The following PRR29 variants were observed in gnomAD, a reference collection of about 807,000 sequenced individuals.
The protein encoded by PRR29 is proline rich 29, also known as proline-rich protein 29.
PRR29 carries 20 observed loss-of-function variants against 25.1 expected under a neutral mutation model. The ratio of observed to expected loss-of-function variants is 0.80; its 90% CI spans 0.56 to 1.16. The LOEUF is 1.16. Ranked by LOEUF, PRR29 falls within the 50% of genes most tolerant of loss-of-function variation. The probability of loss-of-function intolerance (pLI) is 0.00; values close to 1 mark genes in which losing one functional copy is unlikely to be tolerated. For synonymous variants in PRR29, 108 were observed against 102.6 expected (o/e 1.05, Z -0.32); for missense variants, 238 against 246.6 (o/e 0.97, Z 0.23).
In PRR29 at chr17:64,003,524, C is replaced by T. The variant is rs1910956283; in HGVS notation, c.*1763C>T. On this transcript the variant is annotated 3_prime_UTR_variant, in exon 6 of 6. Coordinates refer to ENST00000412177, the MANE Select transcript of PRR29 (RefSeq NM_001164257.2). Reference sequence around the variant, plus strand: ...GGAAGAGGGAGAGTAAGAGGGAAGCCTCAGGATGAAGGGTGGGCTCCTGGG... The same window carrying T: ...GGAAGAGGGAGAGTAAGAGGGAAGCTTCAGGATGAAGGGTGGGCTCCTGGG... 1 of 897,076 alleles carries T rather than the reference C, an allele frequency of 1.1e-6. No individual in the cohort carries two copies. The highest frequency in any genetic ancestry group is 2.3e-5 in the Admixed American group (1 of 43,622). The allele number at this position is 897,076 out of a possible 1,614,324, so 55.6% of individuals were successfully genotyped here.
intron 1 of PRR29, 130 bp from the exon 2 acceptor site, chr17:63,998,577 C>T: frequency 9.0e-7 from 1 of 1,113,926 alleles, no homozygotes; most frequent in Non-Finnish European, 1.3e-6. Context: ...GCAGGGAGGC[C>T]GCGGGGCGGG....
rs927128447 is a variant in PRR29 at position 64,002,185 on chromosome 17, G to A, written c.*424G>A. 7.3e-6 allele frequency: 5 copies of A among 686,628 alleles called. No individual in the cohort carries two copies. The highest frequency in any genetic ancestry group is 3.9e-5 in the South Asian group (2 of 51,774). 42.5% of individuals were successfully genotyped at this position (686,628 alleles called of 1,614,324 possible). A position where few individuals can be genotyped will look rare whatever the true frequency, so the allele number is the denominator to read the frequency against. On this transcript the variant is annotated 3_prime_UTR_variant, in exon 6 of 6. Transcript: ENST00000412177. Reference sequence around the variant, plus strand: ...CCTTCTGCTTTCCACAGCTTTGAAGGCCCCTTTGAGGTGGCTGGAGGGGCC... The same window carrying A: ...CCTTCTGCTTTCCACAGCTTTGAAGACCCCTTTGAGGTGGCTGGAGGGGCC...
chr17:64,000,915 C>T (rs553984132), intron 3 of PRR29, 169 bp from the exon 4 acceptor site: 11 of 631,334 alleles, frequency 1.7e-5, no homozygotes, highest in Non-Finnish European at 2.8e-5. Context: ...ATCCGCCCGC[C>T]TCGGCCTCCC....
chr17:63,998,422 A>G lies in PRR29; in HGVS notation c.58A>G (p.Thr20Ala), dbSNP rs757940079. ...CTCCCCACCGCAGAGCGCAGTCCCGACGGTGAGGGCTGAGCCCGGGAGCAG... is the reference window on the plus strand; with the variant it reads ...CTCCCCACCGCAGAGCGCAGTCCCGGCGGTGAGGGCTGAGCCCGGGAGCAG... ...GRSPPQSAVPTPWVTFLQPLS... is the reference protein window; with the variant it reads ...GRSPPQSAVPAPWVTFLQPLS... Residue 20 changes from threonine to alanine, a missense_variant and splice_region_variant, in exon 1 of 6, where the codon ACG (threonine) becomes GCG (alanine). Coordinates refer to ENST00000412177, the MANE Select transcript of PRR29 (RefSeq NM_001164257.2). The G allele has an allele frequency of 2.1e-5, 31 of 1,493,262 alleles. No homozygotes were observed. In the South Asian group the frequency reaches 3.3e-4, roughly 16 times the overall value. The allele number at this position is 1,493,262 out of a possible 1,614,324, so 92.5% of individuals were successfully genotyped here. A position where few individuals can be genotyped will look rare whatever the true frequency, so the allele number is the denominator to read the frequency against.
At chr17:63,999,936 A>G (rs532880624) in intron 3 of PRR29, 2 of 152,852 alleles carry the variant, frequency 1.3e-5, no homozygotes, top group African/African-American at 2.4e-5. Flanking sequence ...GTGTGCATGC[A>G]TGTGCATATA....
chr17:64,000,928 A>G (rs1910667813), intron 3 of PRR29, 156 bp from the exon 4 acceptor site: 2 of 660,916 alleles, frequency 3.0e-6, no homozygotes, highest in Admixed American at 2.5e-5. Context: ...GGCCTCCCAC[A>G]GTGCTGGGAT....
Position 64,003,405 on chromosome 17 carries a change from G to A in PRR29, c.*1644G>A, listed in dbSNP as rs1368364095. 1 of 559,838 alleles carries A rather than the reference G, an allele frequency of 1.8e-6. No individual in the cohort carries two copies. Among genetic ancestry groups the A allele is most frequent in the Non-Finnish European group, 3.2e-6 (1 of 313,572 alleles). 34.7% of individuals were successfully genotyped at this position (559,838 alleles called of 1,614,324 possible). A position where few individuals can be genotyped will look rare whatever the true frequency, so the allele number is the denominator to read the frequency against. On this transcript the variant is annotated 3_prime_UTR_variant, in exon 6 of 6. Transcript: ENST00000412177. ...GCCAAGGCCAGGGAGAGCCGTCAAG[G>A]TCATGGGGCTTGATGGTGGCCGAGG...
chr17:64,002,027 G>GC lies in PRR29; in HGVS notation c.*270dup. 2 of 1,518,814 alleles carry GC rather than the reference G, an allele frequency of 1.3e-6. No individual in the cohort carries two copies. Among genetic ancestry groups the GC allele is most frequent in the Non-Finnish European group, 1.8e-6 (2 of 1,134,184 alleles). The allele number at this position is 1,518,814 out of a possible 1,614,324, so 94.1% of individuals were successfully genotyped here. On this transcript the variant is annotated 3_prime_UTR_variant, in exon 6 of 6. Coordinates refer to ENST00000412177, the MANE Select transcript of PRR29 (RefSeq NM_001164257.2). ...CTTGAAGCCACGTCAGCCCGCCTCT[G>GC]CCCCACTGCTTCCTGCCTGGAGCAG...
Position 64,004,224 on chromosome 17 carries a change from A to T in PRR29, c.*2463A>T. On this transcript the variant is annotated 3_prime_UTR_variant, in exon 6 of 6. Transcript: ENST00000412177. The stretch of plus-strand genomic sequence containing the variant: ...AGAAATTGTACAGCCAACTGGAAAG[A>T]TATAAAAGTTTGGGTCTGTCTCCTC... 2.1e-6 allele frequency: 1 copy of T among 486,374 alleles called. No homozygotes were observed. Among genetic ancestry groups the T allele is most frequent in the Non-Finnish European group, 3.7e-6 (1 of 273,286 alleles). 30.1% of individuals were successfully genotyped at this position (486,374 alleles called of 1,614,324 possible).
Position 63,998,794 on chromosome 17 carries a change from G to A in PRR29, c.136+12G>A. 7.1e-7 allele frequency: 1 copy of A among 1,413,836 alleles called. No homozygotes were observed. The highest frequency in any genetic ancestry group is 9.6e-7 in the Non-Finnish European group (1 of 1,039,412). The allele number at this position is 1,413,836 out of a possible 1,614,324, so 87.6% of individuals were successfully genotyped here. On this transcript the variant is annotated intron_variant, in intron 2 of 5. Coordinates refer to ENST00000412177, the MANE Select transcript of PRR29 (RefSeq NM_001164257.2). ...CCGCGTGAAGGAAGGTGAGACTCCC[G>A]GGTCCCCCCACCCCACCCCCACCAT...
At position 64,003,362 on chromosome 17, in the gene PRR29, T is replaced by A; in HGVS notation, c.*1601T>A. On this transcript the variant is annotated 3_prime_UTR_variant, in exon 6 of 6. Coordinates refer to ENST00000412177, the MANE Select transcript of PRR29 (RefSeq NM_001164257.2). Reference sequence around the variant, plus strand: ...CTCAGTGGGGGCAGTCAGGCCAAACTTCTCATTGTGGAGGGGAGCCAAGGC... The same window carrying A: ...CTCAGTGGGGGCAGTCAGGCCAAACATCTCATTGTGGAGGGGAGCCAAGGC... 2.0e-6 allele frequency: 1 copy of A among 493,792 alleles called. No individual in the cohort carries two copies. Among genetic ancestry groups the A allele is most frequent in the Non-Finnish European group, 3.6e-6 (1 of 274,056 alleles). 30.6% of individuals were successfully genotyped at this position (493,792 alleles called of 1,614,324 possible). A position where few individuals can be genotyped will look rare whatever the true frequency, so the allele number is the denominator to read the frequency against.
Position 63,999,735 on chromosome 17 carries a change from GTGTC to G in PRR29, c.243+665_243+668del, listed in dbSNP as rs57394451. The G allele has an allele frequency of 1.6e-3, 246 of 157,386 alleles. 2 individuals carry two copies. The highest frequency in any genetic ancestry group is 5.2e-3 in the African/African-American group (216 of 41,546). 9.7% of individuals were successfully genotyped at this position (157,386 alleles called of 1,614,324 possible). A position where few individuals can be genotyped will look rare whatever the true frequency, so the allele number is the denominator to read the frequency against. The stretch of plus-strand genomic sequence containing the variant: ...TGTGTGTGTATGTGTGTGCAAGTGG[GTGTC>G]TGTGTGCATGCGTGTGTGTGTGCAA... On this transcript the variant is annotated intron_variant, in intron 3 of 5. Transcript: ENST00000412177.
At chr17:63,998,836 C>G in intron 2 of PRR29, 54 bp downstream of exon 2, 2 of 1,137,500 alleles carry the variant, frequency 1.8e-6, no homozygotes, top group Admixed American at 2.0e-5. Context: ...CACTCACCCT[C>G]TTCTGCCTCG....
Position 64,002,527 on chromosome 17 carries a change from G to A in PRR29, c.*766G>A, listed in dbSNP as rs1048088468. 4 of 550,510 alleles carry A rather than the reference G, an allele frequency of 7.3e-6. No homozygotes were observed. In the African/African-American group the frequency reaches 7.6e-5, roughly 10 times the overall value. 34.1% of individuals were successfully genotyped at this position (550,510 alleles called of 1,614,324 possible). ...TGGGGAGGGAGGCATCTAGGGAGAG[G>A]GGTCCCCCATGGTGGCTCCCCTCCC... On this transcript the variant is annotated 3_prime_UTR_variant, in exon 6 of 6. Coordinates refer to ENST00000412177, the MANE Select transcript of PRR29 (RefSeq NM_001164257.2).
Position 63,999,468 on chromosome 17 carries a change from T to C in PRR29, c.243+394T>C, listed in dbSNP as rs139427935. 1.0e-3 allele frequency: 259 copies of C among 247,212 alleles called. 1 individual carries two copies. The highest frequency in any genetic ancestry group is 5.3e-3 in the African/African-American group (231 of 43,810). 15.3% of individuals were successfully genotyped at this position (247,212 alleles called of 1,614,324 possible). On this transcript the variant is annotated intron_variant, in intron 3 of 5. Transcript: ENST00000412177. ...GAATGAATAAATGAATGGTTAGGGA[T>C]ACAAAGCCAGGTTGGCTGTGATGGC...
intron 4 of PRR29, 56 bp downstream of exon 4, chr17:64,001,366 G>A: frequency 6.6e-7 from 1 of 1,505,382 alleles, no homozygotes. Flanking sequence ...TTGCAGAAGA[G>A]CTGTGCAGGG....
chr17:64,004,113 A>G lies in PRR29; in HGVS notation c.*2352A>G, dbSNP rs10853045. Reference sequence around the variant, plus strand: ...GCTCCAGTGCAGAGAGGAAGAGGGCAGCAGTTGAGGATGGAGGCTGGACTG... The same window carrying G: ...GCTCCAGTGCAGAGAGGAAGAGGGCGGCAGTTGAGGATGGAGGCTGGACTG... On this transcript the variant is annotated 3_prime_UTR_variant, in exon 6 of 6. Coordinates refer to ENST00000412177, the MANE Select transcript of PRR29 (RefSeq NM_001164257.2). 0.98 allele frequency: 600,815 copies of G among 614,280 alleles called. 295,003 individuals are homozygous for G. The highest frequency in any genetic ancestry group is 1 in the East Asian group (36,394 of 36,396). 38.1% of individuals were successfully genotyped at this position (614,280 alleles called of 1,614,324 possible).
In PRR29 at chr17:64,003,366, C is replaced by T; in HGVS notation, c.*1605C>T. The T allele has an allele frequency of 4.0e-6, 2 of 499,160 alleles. No individual in the cohort carries two copies. Among genetic ancestry groups the T allele is most frequent in the Non-Finnish European group, 7.2e-6 (2 of 277,240 alleles). 30.9% of individuals were successfully genotyped at this position (499,160 alleles called of 1,614,324 possible). A position where few individuals can be genotyped will look rare whatever the true frequency, so the allele number is the denominator to read the frequency against. On this transcript the variant is annotated 3_prime_UTR_variant, in exon 6 of 6. Transcript: ENST00000412177. ...GTGGGGGCAGTCAGGCCAAACTTCT[C>T]ATTGTGGAGGGGAGCCAAGGCCAGG...
chr17:64,001,785 T>C lies in PRR29; in HGVS notation c.*24T>C. The C allele has an allele frequency of 6.5e-7, 1 of 1,537,076 alleles. No homozygotes were observed. The stretch of plus-strand genomic sequence containing the variant: ...GAGGACAGACCCCGGCCCTGGGAAC[T>C]GCACCAGCTTCCTGCTCTGGATACA... On this transcript the variant is annotated 3_prime_UTR_variant, in exon 6 of 6. Transcript: ENST00000412177.
Sources: gnomAD v4.1 joint callset for allele counts on GRCh38, gnomAD v4.1.1 for gene constraint, MANE v1.5 for transcripts, NCBI Gene and HGNC (gene_info 2026-07-23, HGNC 2026-07-21) for gene names.